DTNA: variants seen among roughly 807,000 people sequenced by gnomAD.
DTNA encodes dystrophin-related protein 3.
Under a neutral mutation model 100.7 loss-of-function variants are expected in DTNA, and 43 were observed. The ratio of observed to expected loss-of-function variants is 0.43; its 90% CI spans 0.33 to 0.55. The LOEUF is 0.55. Ranked by LOEUF, DTNA falls within the 20% of genes least tolerant of loss-of-function variation. DTNA has a pLI of 0.04. For synonymous variants in DTNA, 349 were observed against 347.9 expected (o/e 1.00, Z -0.04); for missense variants, 798 against 953.9 (o/e 0.84, Z 2.15).
chr18:34,867,731 T>C lies in DTNA; in HGVS notation c.1743+3669T>C, dbSNP rs1434431359. On this transcript the variant is annotated intron_variant, in intron 17 of 22. Transcript: ENST00000444659. The stretch of plus-strand genomic sequence containing the variant: ...GCAGCAGGATCTTGAAAGGCTCCTA[T>C]GGACCAGGAAGTTCGTAAACAGATG... 15 of 985,598 alleles carry C rather than the reference T, an allele frequency of 1.5e-5. No homozygotes were observed. The East Asian group carries it at 4.5e-4, about 30-fold the overall frequency. The allele number at this position is 985,598 out of a possible 1,614,324, so 61.1% of individuals were successfully genotyped here.
chr18:34,671,495 T>C (rs1457609996), intron 1 of DTNA, among the ~76,000 whole-genome samples: 1 of 152,208 alleles, frequency 6.6e-6, no homozygotes, highest in Non-Finnish European at 1.5e-5. Flanking sequence ...CGCTGGGAGC[T>C]GTAGACTGGA....
chr18:34,624,509 A>G (rs1433401461), intron 1 of DTNA, among the ~76,000 whole-genome samples: 1 of 152,194 alleles, frequency 6.6e-6, no homozygotes, highest in African/African-American at 2.4e-5. Context: ...GAAAGCATCA[A>G]ACATTTTCTT....
chr18:34,766,064 C>T (rs2093450480), intron 3 of DTNA, 23 bp downstream of exon 3: 3 of 1,610,158 alleles, frequency 1.9e-6, no homozygotes, highest in African/African-American at 1.3e-5. Context: ...GTTGTTTGGA[C>T]TAATTACCAT....
chr18:34,526,107 A>G (rs753223524), intron 1 of DTNA, among the ~76,000 whole-genome samples: 2 of 152,204 alleles, frequency 1.3e-5, no homozygotes, highest in Non-Finnish European at 2.9e-5. Context: ...CAGCACGGCT[A>G]CGTGTGTTCT....
At chr18:34,701,473 C>T (rs1271552839) in intron 1 of DTNA, among the ~76,000 whole-genome samples, 1 of 152,138 alleles carries the variant, frequency 6.6e-6, no homozygotes, top group East Asian at 1.9e-4. Flanking sequence ...GGGGCAGCAT[C>T]CTAGGCATGA....
intron 9 of DTNA, chr18:34,821,617 A>C (rs574855880): frequency 4.9e-6 from 2 of 410,432 alleles, no homozygotes; most frequent in South Asian, 3.6e-5. Context: ...AGAAGAAACA[A>C]TTTTTTCCTT....
intron 22 of DTNA, among the ~76,000 whole-genome samples, chr18:34,887,314 T>G (rs1603366624): frequency 6.6e-6 from 1 of 152,346 alleles, no homozygotes; most frequent in African/African-American, 2.4e-5. Flanking sequence ...GTATTCAATT[T>G]GTCCCTGTTA....
chr18:34,738,572 CCTT>C (rs1228927757), intron 1 of DTNA, among the ~76,000 whole-genome samples: 3 of 152,326 alleles, frequency 2.0e-5, no homozygotes, highest in Middle Eastern at 3.4e-3. Context: ...AGGCCACCCT[CCTT>C]CTACTCCTTT....
At chr18:34,811,679 T>G (rs2095489309) in intron 5 of DTNA, among the ~76,000 whole-genome samples, 1 of 152,140 alleles carries the variant, frequency 6.6e-6, no homozygotes, top group Admixed American at 6.6e-5. Flanking sequence ...AAAACAAAAA[T>G]GTAGTGTCTT....
intron 1 of DTNA, among the ~76,000 whole-genome samples, chr18:34,572,296 C>G (rs79020822): frequency 9.1e-4 from 139 of 152,220 alleles, no homozygotes; most frequent in African/African-American, 3.1e-3. Flanking sequence ...CTCAGACTTT[C>G]CACTGTTGTA....
chr18:34,841,776 T>C (rs2096272828), intron 13 of DTNA, among the ~76,000 whole-genome samples: 1 of 152,178 alleles, frequency 6.6e-6, no homozygotes, highest in Admixed American at 6.6e-5. Flanking sequence ...CCTTGGCCTC[T>C]AGCTGTTCTC....
intron 22 of DTNA, among the ~76,000 whole-genome samples, chr18:34,885,107 C>CGGA (rs2096909400): frequency 6.6e-6 from 1 of 152,122 alleles, no homozygotes; most frequent in Non-Finnish European, 1.5e-5. Flanking sequence ...ATGACAATAT[C>CGGA]GGAGTTTGTA....
intron 3 of DTNA, among the ~76,000 whole-genome samples, chr18:34,769,198 CA>C (rs1042848230): frequency 6.6e-6 from 1 of 152,124 alleles, no homozygotes; most frequent in Non-Finnish European, 1.5e-5. Context: ...TATGTCTTTG[CA>C]AAGTTTTCCT....
At chr18:34,733,103 C>A (rs1450388877) in intron 1 of DTNA, among the ~76,000 whole-genome samples, 1 of 152,188 alleles carries the variant, frequency 6.6e-6, no homozygotes, top group Non-Finnish European at 1.5e-5. Context: ...TTCCCCAGTG[C>A]ACAGTTACCC....
At chr18:34,571,721 T>C (rs1396473525) in intron 1 of DTNA, among the ~76,000 whole-genome samples, 1 of 152,210 alleles carries the variant, frequency 6.6e-6, no homozygotes, top group Admixed American at 6.5e-5. Context: ...ACATCATGCC[T>C]AGTCTCTAAC....
Position 34,596,833 on chromosome 18 carries a change from A to G in DTNA, c.-2+103319A>G, listed in dbSNP as rs1013505213. On this transcript the variant is annotated intron_variant, in intron 1 of 19. Coordinates refer to the DTNA transcript ENST00000283365. ...GATTCATGTTTTCTGACTTTATTTGAGCTGTCAACACCACCTAACAGTTCT... is the reference window on the plus strand; with the variant it reads ...GATTCATGTTTTCTGACTTTATTTGGGCTGTCAACACCACCTAACAGTTCT... Among the ~76,000 whole-genome samples the G allele has an allele frequency of 2.0e-5, 3 of 152,112 alleles. No homozygotes were observed. In the East Asian group the frequency reaches 5.8e-4, roughly 29 times the overall value.
chr18:34,698,988 G>T, intron 1 of DTNA, among the ~76,000 whole-genome samples: 1 of 150,138 alleles, frequency 6.7e-6, no homozygotes, highest in East Asian at 1.9e-4. Flanking sequence ...TTGGATTTAG[G>T]GCTCACCATA....
intron 1 of DTNA, among the ~76,000 whole-genome samples, chr18:34,593,089 C>G (rs1254630316): frequency 2.0e-5 from 3 of 152,076 alleles, no homozygotes; most frequent in Admixed American, 2.0e-4. Context: ...ATAGTGAGTC[C>G]TCGGGCTGAT....
At chr18:34,771,481 T>C (rs2093770080) in intron 3 of DTNA, among the ~76,000 whole-genome samples, 1 of 151,584 alleles carries the variant, frequency 6.6e-6, no homozygotes, top group African/African-American at 2.4e-5. Context: ...GCCTGAGTGA[T>C]AGAGTGAGAC....
Sources: gnomAD v4.1 joint callset for allele counts (sites outside exome capture counted in the v4.1 genomes callset) on GRCh38, gnomAD v4.1.1 for gene constraint, MANE v1.5 for transcripts, NCBI Gene and HGNC (gene_info 2026-07-23, HGNC 2026-07-21) for gene names.